The following HECTD4 variants were observed in gnomAD, a reference collection of about 807,000 sequenced individuals.
The protein encoded by HECTD4 is probable E3 ubiquitin-protein ligase HECTD4.
A neutral mutation model predicts 471.5 loss-of-function variants in HECTD4; 114 were observed. The ratio of observed to expected loss-of-function variants is 0.24; its 90% CI spans 0.21 to 0.28. The LOEUF is 0.28. Ranked by LOEUF, HECTD4 falls within the 10% of genes least tolerant of loss-of-function variation. The probability of loss-of-function intolerance (pLI) is 1.00; values close to 1 mark genes in which losing one functional copy is unlikely to be tolerated. For missense variants in HECTD4, 3,866 were observed against 5,651.5 expected, an observed-to-expected ratio of 0.68 and a Z score of 10.13; for synonymous variants, 2,012 against 2,256.0, an observed-to-expected ratio of 0.89 and a Z score of 3.07.
chr12:112,183,302 G>T, intron 61 of HECTD4, 36 bp from the exon 62 acceptor site: 1 of 1,508,412 alleles, frequency 6.6e-7, no homozygotes. Flanking sequence ...GATTTGAGTA[G>T]CTTGACCAGT....
intron 44 of HECTD4, 170 bp downstream of exon 44, chr12:112,226,473 T>C (rs2033240013): frequency 4.5e-6 from 2 of 444,130 alleles, no homozygotes; most frequent in South Asian, 1.4e-4. Context: ...TAAAAGCTTT[T>C]TATTTACATT....
rs773828862 is a variant in HECTD4 at position 112,167,933 on chromosome 12, G to T, written c.12209-16C>A. ...AAAGAGCCGCCTGTAGGACAGACGA[G>T]ACACATGGGCACCTGGGGTGTCCCG... On this transcript the variant is annotated splice_polypyrimidine_tract_variant and intron_variant, in intron 70 of 75. Transcript: ENST00000682272. The T allele has an allele frequency of 6.2e-7, 1 of 1,602,538 alleles. No homozygotes were observed. Among genetic ancestry groups the T allele is most frequent in the Admixed American group, 1.7e-5 (1 of 60,010 alleles).
intron 54 of HECTD4, 69 bp downstream of exon 54, chr12:112,203,567 T>C: frequency 7.7e-7 from 1 of 1,306,744 alleles, no homozygotes; most frequent in Non-Finnish European, 1.1e-6. Flanking sequence ...TTAAGGTACC[T>C]GGGAATCTGG....
intron 68 of HECTD4, 142 bp from the exon 69 acceptor site, chr12:112,170,594 G>T: frequency 9.6e-7 from 1 of 1,042,396 alleles, no homozygotes; most frequent in Non-Finnish European, 1.4e-6. Context: ...TGTGGAGGGT[G>T]GTGTGTCAGC....
chr12:112,183,346 T>A (rs2031744648), intron 61 of HECTD4, 80 bp from the exon 62 acceptor site: 1 of 1,103,040 alleles, frequency 9.1e-7, no homozygotes, highest in African/African-American at 1.5e-5. Flanking sequence ...CCTCCCACCT[T>A]TTCCTGGAAA....
intron 54 of HECTD4, 82 bp from the exon 55 acceptor site, chr12:112,200,880 CGTGCGTGTGT>C (rs1341731623): frequency 3.4e-6 from 4 of 1,163,512 alleles, no homozygotes; most frequent in African/African-American, 1.8e-5. Context: ...TGTGTGCGTG[CGTGCGTGTGT>C]GTGTGTGTGT....
At chr12:112,355,962 G>A (rs534818966) in intron 1 of HECTD4, among the ~76,000 whole-genome samples, 1 of 151,896 alleles carries the variant, frequency 6.6e-6, no homozygotes, top group South Asian at 2.1e-4. Context: ...TAAGTCAAAG[G>A]GATCTTATTT....
At chr12:112,309,210 T>C (rs1440552247) in intron 5 of HECTD4, among the ~76,000 whole-genome samples, 1 of 152,208 alleles carries the variant, frequency 6.6e-6, no homozygotes, top group Admixed American at 6.5e-5. Context: ...GCTAATCCAA[T>C]GTCAAACCCA....
At chr12:112,355,769 CA>C (rs1307009223) in intron 1 of HECTD4, among the ~76,000 whole-genome samples, 16 of 151,732 alleles carry the variant, frequency 1.1e-4, no homozygotes, top group Non-Finnish European at 2.4e-4. Context: ...CTCAAAAAAA[CA>C]ATAAAAATAA....
chr12:112,262,785 T>G lies in HECTD4; in HGVS notation c.2748+1299A>C, dbSNP rs1325147310. Among the ~76,000 whole-genome samples, 3 of 151,962 alleles carry G rather than the reference T, an allele frequency of 2.0e-5. No individual in the cohort carries two copies. The East Asian group carries it at 5.8e-4, about 29-fold the overall frequency. On this transcript the variant is annotated intron_variant, in intron 17 of 75. Transcript: ENST00000682272. ...GGAGTGCCATCACGCCCGGCTAATT[T>G]TTGTATTTTTCAGTAGAGATGGGGT...
chr12:112,296,095 A>G (rs1245604406), intron 7 of HECTD4, among the ~76,000 whole-genome samples: 2 of 152,204 alleles, frequency 1.3e-5, no homozygotes, highest in African/African-American at 2.4e-5. Flanking sequence ...TGGAGGAAGC[A>G]TGGCTAAGTG....
rs200610721 is a variant in HECTD4, at chr12:112,270,249, C to T, written c.2153G>A (p.Arg718His). 1.6e-5 allele frequency: 25 copies of T among 1,612,636 alleles called. No homozygotes were observed. Among genetic ancestry groups the T allele is most frequent in the Non-Finnish European group, 1.8e-5 (21 of 1,178,778 alleles). The change falls in exon 12 of 76, where the codon CGC (arginine) becomes CAC (histidine). Residue 718 changes from arginine to histidine, a missense_variant. Physicochemically the swap from Arg to His is conservative, Grantham distance 29. Transcript: ENST00000682272. ...AMVNGDTCII[R>H]CILVVFQVVF... ...TACCTGAAAGACAACGAGAATGCAG[C>T]GTATAATACAGGTATCTCCATTAAC...
intron 50 of HECTD4, among the ~76,000 whole-genome samples, chr12:112,209,589 G>C (rs2032702435): frequency 6.6e-6 from 1 of 152,200 alleles, no homozygotes; most frequent in Non-Finnish European, 1.5e-5. Context: ...GCCTCCCAAA[G>C]TGCTGGCATT....
At chr12:112,332,930 C>T (rs2035872478) in intron 1 of HECTD4, among the ~76,000 whole-genome samples, 3 of 152,048 alleles carry the variant, frequency 2.0e-5, no homozygotes, top group Admixed American at 2.0e-4. Context: ...CTATTCTTTA[C>T]ATTTCATATA....
Position 112,172,706 on chromosome 12 carries a change from G to C in HECTD4, c.11750C>G (p.Ala3917Gly). Residue 3917 changes from alanine (A) to glycine (G), a missense_variant, in exon 67 of 76, where the codon GCG becomes GGG. This residue lies in a region of HECTD4 where 715 missense variants were observed against 1,087.6 expected (regional missense o/e 0.66). Transcript: ENST00000682272. Reference protein sequence around the residue: ...LHPHEVYLDPADAADPRVACL... With the variant: ...LHPHEVYLDPGDAADPRVACL... ...GGCCACTCTGGGGTCAGCAGCATCCGCGGGGTCCAGGTACACCTCATGGGG... is the reference window on the plus strand; with the variant it reads ...GGCCACTCTGGGGTCAGCAGCATCCCCGGGGTCCAGGTACACCTCATGGGG... 6.2e-7 allele frequency: 1 copy of C among 1,614,004 alleles called. No individual in the cohort carries two copies. Among genetic ancestry groups the C allele is most frequent in the Non-Finnish European group, 8.5e-7 (1 of 1,179,894 alleles).
At chr12:112,259,014 C>G (rs1259425024) in intron 19 of HECTD4, 98 bp downstream of exon 19, 2 of 1,049,140 alleles carry the variant, frequency 1.9e-6, no homozygotes, top group Non-Finnish European at 2.7e-6. Flanking sequence ...TTCTGAAAGG[C>G]AGGATTATGT....
At position 112,213,968 on chromosome 12, in the gene HECTD4, G is replaced by A. The variant is rs937553890; in HGVS notation, c.7466-1318C>T. Among the ~76,000 whole-genome samples the A allele has an allele frequency of 2.0e-5, 3 of 151,744 alleles. No homozygotes were observed. The highest frequency in any genetic ancestry group is 7.3e-5 in the African/African-American group (3 of 41,318). On this transcript the variant is annotated intron_variant, in intron 48 of 75. Coordinates refer to ENST00000682272, the MANE Select transcript of HECTD4 (RefSeq NM_001388303.1). This position sits in a 1 kb window ranked among gnomAD's most constrained non-coding sequence, Gnocchi z 4.0. ...GCTCAGGGGGTCAAGCCTGCAGTGA[G>A]CTGTGATTGCACCACTGCACTCTAG... is the stretch of plus-strand genomic sequence containing the variant.
At chr12:112,275,615 C>G (rs2034508681) in intron 9 of HECTD4, among the ~76,000 whole-genome samples, 1 of 150,812 alleles carries the variant, frequency 6.6e-6, no homozygotes, top group East Asian at 1.9e-4. Context: ...AGGATCCACA[C>G]CAGCATATAT....
chr12:112,211,126 C>T (rs1300277479), intron 49 of HECTD4, among the ~76,000 whole-genome samples: 4 of 152,016 alleles, frequency 2.6e-5, no homozygotes, highest in African/African-American at 4.8e-5. Context: ...CCGAGGTGGG[C>T]GGATCATGAG....
Sources: allele counts gnomAD v4.1 joint callset (sites outside exome capture counted in the v4.1 genomes callset), GRCh38; gene constraint gnomAD v4.1.1; regional missense constraint gnomAD v4.1.1; non-coding constraint Gnocchi (gnomAD v3.1); transcripts MANE v1.5; gene names NCBI Gene and HGNC (gene_info 2026-07-23, HGNC 2026-07-21).